The following EBF4 variants were observed in gnomAD, a reference collection of about 807,000 sequenced individuals.
EBF4 encodes transcription factor COE4.
A neutral mutation model predicts 67.1 loss-of-function variants in EBF4; 34 were observed. The observed-to-expected ratio is 0.51, with a 90% CI of 0.39 to 0.67. The LOEUF is 0.67. Among genes scored for constraint, EBF4 ranks in the 30% least tolerant of loss-of-function variants. The pLI is 0.00. For synonymous variants in EBF4, 387 were observed against 377.7 expected, an observed-to-expected ratio of 1.02 and a Z score of -0.29; for missense variants, 837 against 873.3, an observed-to-expected ratio of 0.96 and a Z score of 0.52.
rs1421901807 is a variant in EBF4 at position 2,745,080 on chromosome 20, C to T, written c.558-3469C>T. ...AGTAATGGGTAGCGCAGCTCCAGTG[C>T]GGTAGTTCTCAAACTTCAGGGTGAA... is the stretch of plus-strand genomic sequence containing the variant. On this transcript the variant is annotated intron_variant, in intron 6 of 16. Transcript: ENST00000609451. This position sits in a 1 kb window ranked among gnomAD's most constrained non-coding sequence, Gnocchi z 5.2. Among the ~76,000 whole-genome samples, 2 of 152,156 alleles carry T rather than the reference C, an allele frequency of 1.3e-5. No individual in the cohort carries two copies. Among genetic ancestry groups the T allele is most frequent in the Admixed American group, 1.3e-4 (2 of 15,276 alleles).
At chr20:2,750,011 G>A in intron 10 of EBF4, 38 bp downstream of exon 10, 1 of 1,520,996 alleles carries the variant, frequency 6.6e-7, no homozygotes, top group Non-Finnish European at 8.8e-7. Context: ...TCTAAGGTGC[G>A]CGGAGGGAGC....
intron 6 of EBF4, among the ~76,000 whole-genome samples, chr20:2,738,932 G>C (rs1296035207): frequency 6.6e-6 from 1 of 152,176 alleles, no homozygotes; most frequent in Non-Finnish European, 1.5e-5. Context: ...ATGCGCCCTG[G>C]CTATTTATAG....
chr20:2,746,182 T>C (rs1260428612), intron 6 of EBF4, among the ~76,000 whole-genome samples: 1 of 151,992 alleles, frequency 6.6e-6, no homozygotes, highest in African/African-American at 2.4e-5. Flanking sequence ...ATAAGGGGTG[T>C]AGGGAGTGAT....
At chr20:2,741,145 C>G (rs1162791483) in intron 6 of EBF4, among the ~76,000 whole-genome samples, 3 of 152,056 alleles carry the variant, frequency 2.0e-5, no homozygotes, top group Admixed American at 2.0e-4. Context: ...ACCTCCGTCT[C>G]TACAAAAAAT....
At chr20:2,706,378 C>T (rs1185082276) in intron 4 of EBF4, 114 bp downstream of exon 4, 60 of 1,252,498 alleles carry the variant, frequency 4.8e-5, no homozygotes, top group Non-Finnish European at 6.6e-5. Context: ...GCCCTCCGTC[C>T]CCATCAGCCT....
rs556487051 is a variant in EBF4, at chr20:2,693,986, C to T, written c.137+204C>T. Among the ~76,000 whole-genome samples the T allele has an allele frequency of 4.6e-5, 7 of 152,338 alleles. No homozygotes were observed. The South Asian group carries it at 1.4e-3, about 32-fold the overall frequency. On this transcript the variant is annotated intron_variant, in intron 1 of 16. Transcript: ENST00000609451. This position sits in a 1 kb window ranked among gnomAD's most constrained non-coding sequence, Gnocchi z 4.6. ...GGCTGGGGCGGGGCTTCTGCCTCCA[C>T]TCCGGGCTGCCCCGGTAGATTTCTG... is the stretch of plus-strand genomic sequence containing the variant.
Position 2,749,617 on chromosome 20 carries a change from C to A in EBF4, c.758-3C>A, listed in dbSNP as rs1210904535. 6.4e-7 allele frequency: 1 copy of A among 1,555,352 alleles called. No individual in the cohort carries two copies. Among genetic ancestry groups the A allele is most frequent in the Non-Finnish European group, 8.7e-7 (1 of 1,150,034 alleles). On this transcript the variant is annotated splice_polypyrimidine_tract_variant and splice_region_variant and intron_variant, in intron 8 of 16. Transcript: ENST00000609451. ...CTGACCTGGGTCCTCTCCTGCCTCCCAGCTGCCACCCCCTGCATCAAGGCC... is the reference window on the plus strand; with the variant it reads ...CTGACCTGGGTCCTCTCCTGCCTCCAAGCTGCCACCCCCTGCATCAAGGCC...
chr20:2,718,541 T>A (rs1233322214), intron 6 of EBF4, among the ~76,000 whole-genome samples: 1 of 152,228 alleles, frequency 6.6e-6, no homozygotes, highest in Non-Finnish European at 1.5e-5. Flanking sequence ...TTTGTCAATT[T>A]CTTATGAGCT....
At chr20:2,709,619 C>A in exon 6 of EBF4, 1 of 1,556,040 alleles carries the variant, frequency 6.4e-7, no homozygotes, top group African/African-American at 1.4e-5. Context: ...ATGAGACGCC[C>A]TCAGACCCCG....
At chr20:2,752,983 C>T (rs1743641612) in intron 14 of EBF4, among the ~76,000 whole-genome samples, 1 of 152,148 alleles carries the variant, frequency 6.6e-6, no homozygotes, top group Admixed American at 6.5e-5. Context: ...GGCTTCCAGC[C>T]GCCCCCCAGC....
chr20:2,709,972 G>C (rs780688325), intron 6 of EBF4, among the ~76,000 whole-genome samples: 1 of 152,164 alleles, frequency 6.6e-6, no homozygotes, highest in African/African-American at 2.4e-5. Context: ...AGTGGCCAGC[G>C]TGGTCATGTC....
intron 6 of EBF4, among the ~76,000 whole-genome samples, chr20:2,746,266 C>T (rs2088049218): frequency 6.6e-6 from 1 of 152,130 alleles, no homozygotes. Flanking sequence ...AAGGTGTCTG[C>T]ACCTTGGGGT....
intron 7 of EBF4, 25 bp downstream of exon 7, chr20:2,748,655 C>T: frequency 1.3e-6 from 2 of 1,546,540 alleles, no homozygotes; most frequent in Non-Finnish European, 1.8e-6. Context: ...AGGGTTTCCC[C>T]TTGCAACCCC....
intron 6 of EBF4, among the ~76,000 whole-genome samples, chr20:2,737,055 C>T (rs1009722512): frequency 1.3e-5 from 2 of 151,886 alleles, no homozygotes; most frequent in Admixed American, 6.6e-5. Flanking sequence ...GGAGACCATC[C>T]TGGCTAACAC....
At chr20:2,697,861 T>A (rs1022333214) in intron 1 of EBF4, among the ~76,000 whole-genome samples, 10 of 152,288 alleles carry the variant, frequency 6.6e-5, no homozygotes, top group Admixed American at 3.9e-4. Context: ...TGGGGAGACC[T>A]CTGGAAGGCC....
In EBF4 at chr20:2,750,092, C is replaced by T; in HGVS notation, c.1018+119C>T. On this transcript the variant is annotated intron_variant, in intron 10 of 16. Transcript: ENST00000609451. ...GAGCTCTACGCTGTGGCCACGACCC[C>T]TAGACGGCCCCGGGCCCCTTTAACC... 6 of 1,398,530 alleles carry T rather than the reference C, an allele frequency of 4.3e-6. No homozygotes were observed. In the South Asian group the frequency reaches 9.1e-5, roughly 21 times the overall value. 86.6% of individuals were successfully genotyped at this position (1,398,530 alleles called of 1,614,324 possible).
rs991619015 is a variant in EBF4 at position 2,751,672 on chromosome 20, G to A, written c.1019-28G>A. 1 of 1,548,530 alleles carries A rather than the reference G, an allele frequency of 6.5e-7. No individual in the cohort carries two copies. Among genetic ancestry groups the A allele is most frequent in the Non-Finnish European group, 8.7e-7 (1 of 1,145,360 alleles). On this transcript the variant is annotated intron_variant, in intron 10 of 16. Transcript: ENST00000609451. This position sits in a 1 kb window ranked among gnomAD's most constrained non-coding sequence, Gnocchi z 5.2. ...GGGAGTGGGGGGCTGCGGGGGAGACGTCCTCCAAACGCCGCCCCCTTCCCC... is the reference window on the plus strand; with the variant it reads ...GGGAGTGGGGGGCTGCGGGGGAGACATCCTCCAAACGCCGCCCCCTTCCCC...
chr20:2,741,295 G>C (rs1308797971), intron 6 of EBF4, among the ~76,000 whole-genome samples: 1 of 151,988 alleles, frequency 6.6e-6, no homozygotes, highest in East Asian at 1.9e-4. Context: ...CTGGGTGACA[G>C]AGCGAGACCC....
intron 1 of EBF4, among the ~76,000 whole-genome samples, chr20:2,699,126 A>T (rs1005034882): frequency 1.2e-4 from 18 of 152,288 alleles, no homozygotes; most frequent in African/African-American, 4.1e-4. Flanking sequence ...TGTCCTGCTC[A>T]GCCTTGCAAA....
Sources: allele counts gnomAD v4.1 joint callset (sites outside exome capture counted in the v4.1 genomes callset), GRCh38; gene constraint gnomAD v4.1.1; non-coding constraint Gnocchi (gnomAD v3.1); transcripts MANE v1.5; gene names NCBI Gene and HGNC (gene_info 2026-07-23, HGNC 2026-07-21).